Variants in MBP observed in about 807,000 individuals in gnomAD.
MBP encodes the protein myelin basic protein.
Under a neutral mutation model 35.8 loss-of-function variants are expected in MBP, and 16 were observed. That is an observed-to-expected ratio of 0.45 (90% CI 0.30 to 0.68). The LOEUF (loss-of-function observed/expected upper bound fraction) is 0.68. Ranked by LOEUF, MBP falls within the 30% of genes least tolerant of loss-of-function variation. MBP has a pLI of 0.08. For synonymous variants in MBP, 143 were observed against 159.6 expected (o/e 0.90, Z 0.78); for missense variants, 380 against 404.7 (o/e 0.94, Z 0.52).
rs988939614 is a variant in MBP, at chr18:77,044,717, T to G, written c.139+21581A>C. 6.6e-6 allele frequency among the ~76,000 whole-genome samples: 1 copy of G among 152,188 alleles called. No individual in the cohort carries two copies. Among genetic ancestry groups the G allele is most frequent in the African/African-American group, 2.4e-5 (1 of 41,450 alleles). On this transcript the variant is annotated intron_variant, in intron 3 of 8. Transcript: ENST00000355994. The surrounding 1 kb of genome is among the most constrained non-coding windows in gnomAD (Gnocchi z 4.4). ...TAAACAAAGTCAGATCTGAAATGCTTAAAAGCAAATTAAACTTAACTCATA... is the reference window on the plus strand; with the variant it reads ...TAAACAAAGTCAGATCTGAAATGCTGAAAAGCAAATTAAACTTAACTCATA...
chr18:77,091,044 A>T (rs1466904479), intron 2 of MBP, among the ~76,000 whole-genome samples: 1 of 152,210 alleles, frequency 6.6e-6, no homozygotes. Context: ...CCTCAAACTC[A>T]TTCCTAAAAG....
intron 2 of MBP, among the ~76,000 whole-genome samples, chr18:77,086,515 A>G (rs1456575795): frequency 6.6e-6 from 1 of 152,226 alleles, no homozygotes; most frequent in Non-Finnish European, 1.5e-5. Flanking sequence ...TGCAAGTCAT[A>G]AAAATACTGA....
chr18:77,087,092 A>G (rs1244220307), intron 2 of MBP, among the ~76,000 whole-genome samples: 1 of 152,166 alleles, frequency 6.6e-6, no homozygotes, highest in Non-Finnish European at 1.5e-5. Context: ...AAAAAAAACA[A>G]CAACAACGAA....
At chr18:77,015,402 G>T in intron 4 of MBP, 1 of 985,436 alleles carries the variant, frequency 1.0e-6, no homozygotes. Flanking sequence ...GGTGTGGTTT[G>T]ATAGCTGGGC....
intron 3 of MBP, among the ~76,000 whole-genome samples, chr18:77,025,662 T>C (rs1418447024): frequency 6.7e-6 from 1 of 148,914 alleles, no homozygotes; most frequent in Non-Finnish European, 1.5e-5. Flanking sequence ...CTGTCTCCAG[T>C]AGAATGGTGA....
chr18:77,081,456 C>T (rs1487832890), intron 2 of MBP, among the ~76,000 whole-genome samples: 2 of 152,048 alleles, frequency 1.3e-5, no homozygotes, highest in East Asian at 3.9e-4. Context: ...TGAAAAAATG[C>T]TCAACGTTAT....
intron 3 of MBP, among the ~76,000 whole-genome samples, chr18:77,048,554 C>T (rs957095205): frequency 1.2e-3 from 34 of 27,716 alleles, no homozygotes; most frequent in Non-Finnish European, 1.8e-3. Flanking sequence ...CTGCAACCTC[C>T]GCCTCCTGGG....
chr18:76,985,080 G>A, intron 7 of MBP, 186 bp from the exon 8 acceptor site: 1 of 1,508,128 alleles, frequency 6.6e-7, no homozygotes, highest in Middle Eastern at 2.0e-4. Context: ...GCTCCCCCAG[G>A]TCTACCAGGG....
At chr18:77,012,917 G>T in intron 4 of MBP, 1 of 985,426 alleles carries the variant, frequency 1.0e-6, no homozygotes, top group African/African-American at 1.7e-5. Flanking sequence ...ACATTCCCAT[G>T]ATTTACAAAT....
At chr18:76,996,513 G>T (rs1416430896) in intron 4 of MBP, among the ~76,000 whole-genome samples, 1 of 152,200 alleles carries the variant, frequency 6.6e-6, no homozygotes, top group East Asian at 1.9e-4. Context: ...ACACTGTGCT[G>T]TATCCAGGCA....
intron 4 of MBP, among the ~76,000 whole-genome samples, chr18:77,007,484 G>C (rs1971055486): frequency 6.6e-6 from 1 of 152,212 alleles, no homozygotes; most frequent in Admixed American, 6.5e-5. Context: ...GGGCTGGAGG[G>C]AGAAGTTGAG....
intron 3 of MBP, among the ~76,000 whole-genome samples, chr18:77,029,777 CACACACACACACACAA>C (rs1190176186): frequency 8.2e-6 from 1 of 121,388 alleles, no homozygotes; most frequent in Non-Finnish European, 2.0e-5. Flanking sequence ...ATAAAATGAC[CACACACACACACACAA>C]ACACACACAC....
intron 1 of MBP, among the ~76,000 whole-genome samples, chr18:77,129,506 C>T (rs1448331757): frequency 1.3e-5 from 2 of 152,196 alleles, no homozygotes; most frequent in Non-Finnish European, 2.9e-5. Context: ...TGTATCTCCA[C>T]CTGCTTCTGT....
At chr18:77,018,590 A>G (rs1413116611) in intron 3 of MBP, among the ~76,000 whole-genome samples, 1 of 126,164 alleles carries the variant, frequency 7.9e-6, no homozygotes, top group Non-Finnish European at 1.6e-5. Flanking sequence ...TCATCCATCC[A>G]CCCACCCCTC....
intron 1 of MBP, among the ~76,000 whole-genome samples, chr18:77,118,794 C>G (rs560270311): frequency 1.3e-5 from 2 of 150,430 alleles, no homozygotes; most frequent in Non-Finnish European, 3.0e-5. Flanking sequence ...ACACTCCACA[C>G]CCCCTACACA....
chr18:77,097,131 A>G (rs1264317594), intron 2 of MBP: 1 of 152,448 alleles, frequency 6.6e-6, no homozygotes, highest in Non-Finnish European at 1.5e-5. Context: ...ACAGGGCAAC[A>G]CAAGTGAGCC....
In MBP at chr18:76,980,466, T is replaced by C; in HGVS notation, c.876A>G (p.Gly292=). ...GTLSKIFKLG[G]RDSRSGSPMA... is the part of the protein sequence containing the mutation. Reference sequence around the variant, plus strand: ...TGGGTGATCCAGAGCGACTATCTCTTCCTCCCTGAAAAGGAAGAGAGAGGA... The same window carrying C: ...TGGGTGATCCAGAGCGACTATCTCTCCCTCCCTGAAAAGGAAGAGAGAGGA... The change falls in exon 9 of 9, where the codon GGA becomes GGG. Residue 292 remains glycine (G), a synonymous_variant. Transcript: ENST00000355994. 1.2e-6 allele frequency: 2 copies of C among 1,613,548 alleles called. No homozygotes were observed. Among genetic ancestry groups the C allele is most frequent in the Non-Finnish European group, 1.7e-6 (2 of 1,179,674 alleles).
At chr18:77,084,411 GC>G (rs61631239) in intron 2 of MBP, among the ~76,000 whole-genome samples, 791 of 73,498 alleles carry the variant, frequency 0.011, 50 homozygotes, top group African/African-American at 0.023. Context: ...TCACAACACC[GC>G]CCCCCCCGCC....
At chr18:77,043,963 C>A (rs1234056919) in intron 3 of MBP, among the ~76,000 whole-genome samples, 1 of 152,194 alleles carries the variant, frequency 6.6e-6, no homozygotes, top group Non-Finnish European at 1.5e-5. Flanking sequence ...CGCACCCCTG[C>A]CATTCCCCCA....
Sources: gnomAD v4.1 joint callset for allele counts (sites outside exome capture counted in the v4.1 genomes callset) on GRCh38, gnomAD v4.1.1 for gene constraint, Gnocchi (gnomAD v3.1) non-coding constraint, MANE v1.5 for transcripts, NCBI Gene and HGNC (gene_info 2026-07-23, HGNC 2026-07-21) for gene names.